EDN1: variants seen among roughly 807,000 people sequenced by gnomAD.
The protein encoded by EDN1 is endothelin-1.
Under a neutral mutation model 21.7 loss-of-function variants are expected in EDN1, and 11 were observed. That is an observed-to-expected ratio of 0.51 (90% CI 0.32 to 0.84). The LOEUF (loss-of-function observed/expected upper bound fraction) is 0.84, where lower values mean the gene tolerates loss of function less well. Ranked by LOEUF, EDN1 falls within the 40% of genes least tolerant of loss-of-function variation. The probability of loss-of-function intolerance (pLI) is 0.03; values close to 1 mark genes in which losing one functional copy is unlikely to be tolerated. For missense variants in EDN1, 244 were observed against 262.3 expected (o/e 0.93, Z 0.48); for synonymous variants, 85 against 90.6 (o/e 0.94, Z 0.35).
At chr6:12,255,628 A>G in the EDN1 span, among the ~76,000 whole-genome samples, 1 of 152,196 alleles carries the variant, frequency 6.6e-6, no homozygotes, top group African/African-American at 2.4e-5. Context: ...GAAGAGACAA[A>G]TGTCTGCTTC....
the EDN1 span, among the ~76,000 whole-genome samples, chr6:12,253,436 C>T: frequency 1.3e-5 from 2 of 151,842 alleles, no homozygotes; most frequent in Admixed American, 6.6e-5. Flanking sequence ...AAACAAGATA[C>T]AAAAAATGCA....
At chr6:12,233,057 G>C in the EDN1 span, among the ~76,000 whole-genome samples, 1 of 152,170 alleles carries the variant, frequency 6.6e-6, no homozygotes, top group Non-Finnish European at 1.5e-5. Context: ...TGGATCCAAA[G>C]AAAACCCAGC....
chr6:12,288,813 A>G (rs918088398), upstream of EDN1, among the ~76,000 whole-genome samples: 1 of 152,178 alleles, frequency 6.6e-6, no homozygotes, highest in Admixed American at 6.5e-5. Context: ...GTTTCCCAGC[A>G]TGTGTGTTGT....
At chr6:12,231,321 T>C in the EDN1 span, among the ~76,000 whole-genome samples, 121 of 152,180 alleles carry the variant, frequency 8.0e-4, no homozygotes, top group African/African-American at 2.8e-3. Flanking sequence ...ATTCAACGAA[T>C]CAAAAGTCAA....
At chr6:12,255,559 C>G in the EDN1 span, among the ~76,000 whole-genome samples, 2 of 152,178 alleles carry the variant, frequency 1.3e-5, no homozygotes, top group Admixed American at 6.5e-5. Flanking sequence ...TCAGTTTGTG[C>G]TTGTATTTGA....
chr6:12,277,830 T>C, the EDN1 span, among the ~76,000 whole-genome samples: 1 of 152,212 alleles, frequency 6.6e-6, no homozygotes, highest in East Asian at 1.9e-4. Flanking sequence ...ACCTGGGGAA[T>C]GGTAGACCTG....
chr6:12,243,214 T>C, the EDN1 span, among the ~76,000 whole-genome samples: 14 of 150,768 alleles, frequency 9.3e-5, 2 homozygotes, highest in Admixed American at 2.7e-4. Flanking sequence ...GAAGAGAAAA[T>C]ATATTTGCTA....
the EDN1 span, among the ~76,000 whole-genome samples, chr6:12,260,109 C>T: frequency 6.6e-6 from 1 of 151,856 alleles, no homozygotes; most frequent in African/African-American, 2.4e-5. Flanking sequence ...TCTTAGCAAA[C>T]ATGGTAGACA....
the EDN1 span, among the ~76,000 whole-genome samples, chr6:12,279,142 A>G: frequency 6.6e-6 from 1 of 152,056 alleles, no homozygotes; most frequent in Non-Finnish European, 1.5e-5. Context: ...ATTTTTATTT[A>G]TTTCTTTGTT....
At chr6:12,241,325 C>T in the EDN1 span, among the ~76,000 whole-genome samples, 4 of 152,036 alleles carry the variant, frequency 2.6e-5, no homozygotes, top group East Asian at 1.9e-4. Flanking sequence ...ACCCCACACC[C>T]GGCTAATTTT....
At chr6:12,241,566 G>GTTA in the EDN1 span, among the ~76,000 whole-genome samples, 1 of 152,036 alleles carries the variant, frequency 6.6e-6, no homozygotes. Flanking sequence ...CTTCATAAAA[G>GTTA]TTATTTGCAA....
At chr6:12,250,816 A>G in the EDN1 span, among the ~76,000 whole-genome samples, 1 of 152,124 alleles carries the variant, frequency 6.6e-6, no homozygotes, top group Admixed American at 6.5e-5. Flanking sequence ...AAAATCAATT[A>G]CTCTCTTTGT....
At chr6:12,234,911 C>G in the EDN1 span, among the ~76,000 whole-genome samples, 1 of 152,158 alleles carries the variant, frequency 6.6e-6, no homozygotes, top group Non-Finnish European at 1.5e-5. Flanking sequence ...AGAAACAAAA[C>G]CAGAAAGAGA....
the EDN1 span, among the ~76,000 whole-genome samples, chr6:12,242,728 C>A: frequency 6.7e-6 from 1 of 150,104 alleles, no homozygotes; most frequent in Non-Finnish European, 1.5e-5. Context: ...GTCCCTCTGG[C>A]TCCTCCTTGG....
the EDN1 span, among the ~76,000 whole-genome samples, chr6:12,261,842 A>C: frequency 2.0e-5 from 3 of 152,206 alleles, no homozygotes; most frequent in South Asian, 2.1e-4. Flanking sequence ...AAGGGTCAAA[A>C]GGGGAAGGAT....
chr6:12,243,429 C>G, the EDN1 span, among the ~76,000 whole-genome samples: 1 of 151,874 alleles, frequency 6.6e-6, no homozygotes, highest in Non-Finnish European at 1.5e-5. Flanking sequence ...CTGGGGGTAA[C>G]TATTATTAAT....
At chr6:12,232,064 C>T in the EDN1 span, among the ~76,000 whole-genome samples, 1 of 148,150 alleles carries the variant, frequency 6.7e-6, no homozygotes, top group African/African-American at 2.5e-5. Flanking sequence ...TATATAATCT[C>T]TTAATATGAA....
At chr6:12,252,137 G>A in the EDN1 span, among the ~76,000 whole-genome samples, 2 of 152,090 alleles carry the variant, frequency 1.3e-5, no homozygotes, top group African/African-American at 4.8e-5. Context: ...AGGCCAAATC[G>A]ATATACCTTT....
At chr6:12,268,866 A>G in the EDN1 span, among the ~76,000 whole-genome samples, 2 of 152,134 alleles carry the variant, frequency 1.3e-5, no homozygotes, top group Non-Finnish European at 2.9e-5. Flanking sequence ...AATTTTGTGA[A>G]AAATATCATT....
Sources: allele counts gnomAD v4.1 joint callset (sites outside exome capture counted in the v4.1 genomes callset), GRCh38; gene constraint gnomAD v4.1.1; transcripts MANE v1.5; gene names NCBI Gene and HGNC (gene_info 2026-07-23, HGNC 2026-07-21).